ZNF407: variants seen among roughly 807,000 people sequenced by gnomAD.
ZNF407 encodes the protein zinc finger protein 407.
ZNF407 carries 17 observed loss-of-function variants against 131.2 expected under a neutral mutation model. The ratio of observed to expected loss-of-function variants is 0.13; its 90% CI spans 0.09 to 0.19. The LOEUF (loss-of-function observed/expected upper bound fraction) is 0.19. Ranked by LOEUF, ZNF407 falls within the 10% of genes least tolerant of loss-of-function variation. The pLI is 1.00. For missense variants in ZNF407, 2,681 were observed against 2,830.6 expected (o/e 0.95, Z 1.20); for synonymous variants, 1,156 against 1,062.0 (o/e 1.09, Z -1.72).
chr18:74,623,170 G>T (rs556204279), intron 1 of ZNF407, among the ~76,000 whole-genome samples: 2 of 151,738 alleles, frequency 1.3e-5, no homozygotes, highest in African/African-American at 4.8e-5. Context: ...GTGTGTGTAC[G>T]TGTGAATGTG....
chr18:74,742,258 C>G (rs1227708652), intron 3 of ZNF407, among the ~76,000 whole-genome samples: 2 of 152,110 alleles, frequency 1.3e-5, no homozygotes, highest in Non-Finnish European at 2.9e-5. Context: ...GTCTTTCCCT[C>G]TTCCTGTAAC....
At chr18:74,742,971 T>A (rs1237552421) in intron 3 of ZNF407, among the ~76,000 whole-genome samples, 1 of 152,140 alleles carries the variant, frequency 6.6e-6, no homozygotes, top group East Asian at 1.9e-4. Flanking sequence ...CCTTAGGTAA[T>A]GAACCAGCAA....
In ZNF407 at chr18:74,632,927, C is replaced by T. The variant is rs187139901; in HGVS notation, c.1908C>T (p.Thr636=). The change falls in exon 2 of 9, where the codon ACC becomes ACT. Residue 636 remains threonine (T), a synonymous_variant. Transcript: ENST00000299687. ...AAGATGTGGAAGAACACAAAGCCAC[C>T]GAGAAGCATATTAATTCATTGGTTC... The part of the protein sequence containing the change: ...SEKDVEEHKA[T]EKHINSLVQP... The T allele has an allele frequency of 2.5e-3, 4,042 of 1,612,850 alleles. 11 individuals are homozygous for T. Among genetic ancestry groups the T allele is most frequent in the Non-Finnish European group, 2.8e-3 (3,334 of 1,179,614 alleles).
intron 7 of ZNF407, among the ~76,000 whole-genome samples, chr18:74,911,180 A>G (rs1014449213): frequency 2.0e-5 from 3 of 151,390 alleles, no homozygotes; most frequent in African/African-American, 7.4e-5. Context: ...AATATGTCAT[A>G]TGTATGTTTC....
intron 4 of ZNF407, among the ~76,000 whole-genome samples, chr18:74,848,814 C>G (rs142907361): frequency 6.6e-6 from 1 of 152,208 alleles, no homozygotes; most frequent in East Asian, 1.9e-4. Context: ...AGAATTTAGG[C>G]TACTTTCATA....
At chr18:74,908,573 G>A (rs567758385) in intron 7 of ZNF407, among the ~76,000 whole-genome samples, 8 of 152,228 alleles carry the variant, frequency 5.3e-5, no homozygotes, top group Admixed American at 1.3e-4. Flanking sequence ...GCTAAACATC[G>A]TTGATAACAT....
Position 74,994,388 on chromosome 18 carries a change from A to G in ZNF407, c.5429-68762A>G, listed in dbSNP as rs569226528. Among the ~76,000 whole-genome samples the G allele has an allele frequency of 3.3e-5, 5 of 152,384 alleles. No individual in the cohort carries two copies. The East Asian group carries it at 9.6e-4, about 29-fold the overall frequency. The stretch of plus-strand genomic sequence containing the variant: ...TCCGCTTAAAAAGTTACAAAAAATA[A>G]GATCAAGATCCAGGTTGTGTCAAAG... On this transcript the variant is annotated intron_variant, in intron 8 of 8. Coordinates refer to ENST00000299687, the MANE Select transcript of ZNF407 (RefSeq NM_017757.3).
chr18:74,883,660 G>T (rs957870877), intron 6 of ZNF407, among the ~76,000 whole-genome samples: 4 of 152,144 alleles, frequency 2.6e-5, no homozygotes, highest in Non-Finnish European at 5.9e-5. Flanking sequence ...CCACCAGCCC[G>T]CCCAAAAGAA....
chr18:74,736,077 G>A (rs1041767468), intron 3 of ZNF407, among the ~76,000 whole-genome samples: 3 of 152,178 alleles, frequency 2.0e-5, no homozygotes, highest in East Asian at 3.8e-4. Flanking sequence ...TGCTAAGGAC[G>A]AGACCTAGTG....
At chr18:74,803,434 C>T (rs1359772751) in intron 4 of ZNF407, among the ~76,000 whole-genome samples, 1 of 152,134 alleles carries the variant, frequency 6.6e-6, no homozygotes, top group Non-Finnish European at 1.5e-5. Context: ...ACCTGGTTAT[C>T]AATGGGCATC....
chr18:74,874,494 TG>T (rs1971128865), intron 4 of ZNF407, among the ~76,000 whole-genome samples: 1 of 152,114 alleles, frequency 6.6e-6, no homozygotes, highest in Non-Finnish European at 1.5e-5. Context: ...GGCATCTCCT[TG>T]GGGGGTGGCA....
intron 3 of ZNF407, among the ~76,000 whole-genome samples, chr18:74,708,469 A>G (rs756169096): frequency 8.5e-5 from 13 of 152,166 alleles, no homozygotes; most frequent in Non-Finnish European, 1.5e-4. Flanking sequence ...CTTCATTCTG[A>G]CTTCTGCTCA....
At chr18:74,817,234 ATTCT>A (rs1361731465) in intron 4 of ZNF407, among the ~76,000 whole-genome samples, 1 of 152,178 alleles carries the variant, frequency 6.6e-6, no homozygotes, top group Non-Finnish European at 1.5e-5. Flanking sequence ...TGGATTTCTG[ATTCT>A]TTCTGACCAT....
At chr18:74,895,077 A>G (rs1018674595) in intron 7 of ZNF407, among the ~76,000 whole-genome samples, 14 of 152,214 alleles carry the variant, frequency 9.2e-5, no homozygotes, top group African/African-American at 2.6e-4. Flanking sequence ...TCCCTGCCTC[A>G]TATTGAAGAT....
At chr18:74,737,896 A>G (rs1406514069) in intron 3 of ZNF407, among the ~76,000 whole-genome samples, 1 of 152,188 alleles carries the variant, frequency 6.6e-6, no homozygotes, top group African/African-American at 2.4e-5. Flanking sequence ...ATTTTGTTAT[A>G]TTTATGAACA....
At chr18:74,782,730 T>A (rs1274623693) in intron 4 of ZNF407, among the ~76,000 whole-genome samples, 1 of 152,118 alleles carries the variant, frequency 6.6e-6, no homozygotes. Flanking sequence ...ACCATTCTCC[T>A]GCCTCAGCCT....
At chr18:74,713,358 C>CTTTTTTTGTTT (rs1967812827) in intron 3 of ZNF407, among the ~76,000 whole-genome samples, 1 of 84,480 alleles carries the variant, frequency 1.2e-5, no homozygotes, top group Non-Finnish European at 2.5e-5. Context: ...ATTTTAGCAT[C>CTTTTTTTGTTT]TTTTTTTTTT....
At chr18:74,996,488 A>T (rs1972781763) in intron 8 of ZNF407, among the ~76,000 whole-genome samples, 1 of 152,226 alleles carries the variant, frequency 6.6e-6, no homozygotes, top group Non-Finnish European at 1.5e-5. Context: ...TGAAGTCAGG[A>T]GGTGAACGGC....
intron 8 of ZNF407, among the ~76,000 whole-genome samples, chr18:75,007,719 A>G (rs1972928148): frequency 6.6e-6 from 1 of 152,218 alleles, no homozygotes; most frequent in East Asian, 1.9e-4. Context: ...CTCAGAGCCA[A>G]GGTCCATAGA....
Sources: gnomAD v4.1 joint callset for allele counts (sites outside exome capture counted in the v4.1 genomes callset) on GRCh38, gnomAD v4.1.1 for gene constraint, MANE v1.5 for transcripts, NCBI Gene and HGNC (gene_info 2026-07-23, HGNC 2026-07-21) for gene names.